Variants in SAXO5 observed in about 807,000 individuals in gnomAD.
SAXO5 encodes stabilizer of axonemal microtubules 5.
At chr19:7,506,249 T>C in the SAXO5 span, 1,502 of 443,402 alleles carry the variant, frequency 3.4e-3, 2 homozygotes, top group Non-Finnish European at 4.0e-3. Context: ...ATGGAGCCCC[T>C]CCCCATGGAG....
the SAXO5 span, among the ~76,000 whole-genome samples, chr19:7,503,282 G>A: frequency 6.6e-6 from 1 of 151,938 alleles, no homozygotes; most frequent in African/African-American, 2.4e-5. Flanking sequence ...CAGGAGAATC[G>A]CTTGAACCTG....
the SAXO5 span, chr19:7,508,108 C>T: frequency 9.1e-6 from 9 of 989,080 alleles, no homozygotes; most frequent in Admixed American, 6.9e-5. Context: ...TGCCTGGCCC[C>T]GCCCCCTGAC....
the SAXO5 span, chr19:7,505,242 C>T: frequency 2.7e-5 from 37 of 1,375,266 alleles, no homozygotes; most frequent in South Asian, 2.6e-4. Flanking sequence ...CTCAGCCTCC[C>T]AAAGTGCTGA....
At chr19:7,505,912 G>A in the SAXO5 span, 14 of 1,505,836 alleles carry the variant, frequency 9.3e-6, no homozygotes, top group Admixed American at 2.3e-4. Context: ...TCCCCCCCGG[G>A]CCCGGGGACC....
At chr19:7,504,976 C>CTTTTTTTTTTTT in the SAXO5 span, among the ~76,000 whole-genome samples, 1 of 138,436 alleles carries the variant, frequency 7.2e-6, no homozygotes, top group Non-Finnish European at 1.6e-5. Context: ...TCTTCTTCTT[C>CTTTTTTTTTTTT]TTTTTTTTTT....
At chr19:7,508,031 C>G in the SAXO5 span, among the ~76,000 whole-genome samples, 1 of 152,212 alleles carries the variant, frequency 6.6e-6, no homozygotes, top group East Asian at 1.9e-4. Flanking sequence ...TCCCTATCCT[C>G]TCTTACCCAG....
At chr19:7,501,278 C>T in the SAXO5 span, 1 of 1,573,680 alleles carries the variant, frequency 6.4e-7, no homozygotes, top group South Asian at 1.1e-5. Flanking sequence ...GCCTCATCTT[C>T]GACCGCGACT....
the SAXO5 span, among the ~76,000 whole-genome samples, chr19:7,501,978 G>A: frequency 2.6e-5 from 4 of 151,932 alleles, no homozygotes; most frequent in Admixed American, 1.3e-4. Context: ...GGTGGCTCAC[G>A]CCTGTAATCC....
chr19:7,501,537 G>A, the SAXO5 span: 1 of 1,059,480 alleles, frequency 9.4e-7, no homozygotes. Context: ...GGACTTGGGG[G>A]GTGGCCGGGC....
chr19:7,505,759 A>G, the SAXO5 span: 3 of 995,422 alleles, frequency 3.0e-6, no homozygotes, highest in South Asian at 4.7e-5. Context: ...TGAGTGATCT[A>G]GGGCGAGTCA....
chr19:7,502,943 G>T, the SAXO5 span, among the ~76,000 whole-genome samples: 1 of 152,150 alleles, frequency 6.6e-6, no homozygotes, highest in South Asian at 2.1e-4. Flanking sequence ...CCTAAGATGG[G>T]CTCAGGGATT....
chr19:7,502,120 TA>T, the SAXO5 span, among the ~76,000 whole-genome samples: 3 of 152,182 alleles, frequency 2.0e-5, no homozygotes, highest in South Asian at 2.1e-4. Flanking sequence ...TATGTGTATA[TA>T]TTTTTTTGAG....
At chr19:7,505,202 C>A in the SAXO5 span, 1 of 909,612 alleles carries the variant, frequency 1.1e-6, no homozygotes, top group South Asian at 1.4e-5. Context: ...AATCTGTTCT[C>A]AAAAGCCTGA....
At chr19:7,499,625 C>G in the SAXO5 span, 2 of 152,546 alleles carry the variant, frequency 1.3e-5, no homozygotes, top group African/African-American at 4.8e-5. Flanking sequence ...GTTCAAATCT[C>G]AAGCAAATGA....
At chr19:7,499,966 G>GTGTGTATGTGTGTGTGTGTGTGTGTGTGT in the SAXO5 span, 1 of 96,600 alleles carries the variant, frequency 1.0e-5, no homozygotes, top group African/African-American at 3.3e-5. Context: ...GTGTGTGTGT[G>GTGTGTATGTGTGTGTGTGTGTGTGTGTGT]GAGACGGGGT....
the SAXO5 span, among the ~76,000 whole-genome samples, chr19:7,498,365 C>T: frequency 6.6e-6 from 1 of 150,968 alleles, no homozygotes; most frequent in African/African-American, 2.4e-5. Context: ...TGCATACTAC[C>T]ATGCCCAGCT....
chr19:7,497,926 G>A, the SAXO5 span, among the ~76,000 whole-genome samples: 1 of 152,138 alleles, frequency 6.6e-6, no homozygotes, highest in East Asian at 1.9e-4. Flanking sequence ...CGAGGAGGGT[G>A]GATCACCTGA....
chr19:7,502,253 G>A, the SAXO5 span, among the ~76,000 whole-genome samples: 2 of 152,008 alleles, frequency 1.3e-5, no homozygotes, highest in South Asian at 2.1e-4. Flanking sequence ...CTGCAGACAC[G>A]CATGTCACCA....
At chr19:7,506,284 C>CCACGGA in the SAXO5 span, 1 of 900,876 alleles carries the variant, frequency 1.1e-6, no homozygotes, top group Non-Finnish European at 1.7e-6. Context: ...AGCCCCGTCC[C>CCACGGA]GGGAAGCCCA....
Sources: gnomAD v4.1 joint callset for allele counts (sites outside exome capture counted in the v4.1 genomes callset) on GRCh38, gnomAD v4.1.1 for gene constraint, MANE v1.5 for transcripts, NCBI Gene and HGNC (gene_info 2026-07-23, HGNC 2026-07-21) for gene names.